Variants in YES1 observed in about 807,000 individuals in gnomAD.
The protein encoded by YES1 is tyrosine-protein kinase Yes.
A neutral mutation model predicts 70.4 loss-of-function variants in YES1; 39 were observed. The ratio of observed to expected loss-of-function variants is 0.55; its 90% CI spans 0.43 to 0.72. The LOEUF (loss-of-function observed/expected upper bound fraction) is 0.72. YES1 is among the 30% of genes least tolerant of loss of function. The pLI is 0.00. For missense variants in YES1, 495 were observed against 644.8 expected, an observed-to-expected ratio of 0.77 and a Z score of 2.52; for synonymous variants, 198 against 218.6, an observed-to-expected ratio of 0.91 and a Z score of 0.83.
chr18:808,696 A>G (rs1453793524), intron 1 of YES1, among the ~76,000 whole-genome samples: 1 of 152,212 alleles, frequency 6.6e-6, no homozygotes, highest in Non-Finnish European at 1.5e-5. Flanking sequence ...TTTGGCACAG[A>G]TGAGATCTCT....
At chr18:757,250 T>A (rs1235632911) in intron 1 of YES1, among the ~76,000 whole-genome samples, 2 of 152,162 alleles carry the variant, frequency 1.3e-5, no homozygotes, top group Admixed American at 1.3e-4. Flanking sequence ...ACGCCTGTAA[T>A]CCCAGCACTT....
intron 1 of YES1, among the ~76,000 whole-genome samples, chr18:766,603 A>T (rs898649440): frequency 6.6e-6 from 1 of 151,948 alleles, no homozygotes; most frequent in African/African-American, 2.4e-5. Context: ...AAAACATTCT[A>T]ATTTCTCATT....
chr18:792,345 A>G (rs1906294455), intron 1 of YES1, among the ~76,000 whole-genome samples: 1 of 151,972 alleles, frequency 6.6e-6, no homozygotes, highest in African/African-American at 2.4e-5. Context: ...CATATTTACC[A>G]TTTTGGATTT....
intron 1 of YES1, among the ~76,000 whole-genome samples, chr18:784,197 ATTG>A (rs1905822485): frequency 6.6e-6 from 1 of 152,210 alleles, no homozygotes; most frequent in African/African-American, 2.4e-5. Context: ...ATGAATAATT[ATTG>A]TTTTCATTAC....
At chr18:749,110 G>T (rs945842025) in intron 3 of YES1, among the ~76,000 whole-genome samples, 1 of 151,702 alleles carries the variant, frequency 6.6e-6, no homozygotes, top group Admixed American at 6.6e-5. Context: ...GCAGTGAGCC[G>T]AGATCATGCC....
intron 3 of YES1, 69 bp downstream of exon 3, chr18:751,636 C>T (rs1358487739): frequency 9.6e-7 from 1 of 1,046,252 alleles, no homozygotes; most frequent in Non-Finnish European, 1.5e-6. Context: ...CATCAACCAG[C>T]TCAGTGGTTC....
Position 743,310 on chromosome 18 carries a change from A to C in YES1, c.830T>G (p.Leu277Trp). 6.2e-7 allele frequency: 1 copy of C among 1,612,356 alleles called. No individual in the cohort carries two copies. Residue 277 changes from leucine to tryptophan, a missense_variant, in exon 7 of 12, where the codon TTG becomes TGG. By Grantham distance (61) the Leu-to-Trp change is moderately conservative. Transcript: ENST00000314574. Reference protein sequence around the residue: ...KDAWEIPRESLRLEVKLGQGC... With the variant: ...KDAWEIPRESWRLEVKLGQGC... ...TTGTCCTAGTTTAACCTCTAGTCGC[A>C]AAGATTCTCGAGGGATTTCCCAAGC...
intron 10 of YES1, among the ~76,000 whole-genome samples, chr18:734,831 T>C (rs1181144846): frequency 6.6e-6 from 1 of 152,090 alleles, no homozygotes; most frequent in African/African-American, 2.4e-5. Flanking sequence ...TACCATTCAA[T>C]CCAGCAAACC....
chr18:746,345 C>G (rs538882409), intron 4 of YES1, among the ~76,000 whole-genome samples: 1 of 152,084 alleles, frequency 6.6e-6, no homozygotes, highest in African/African-American at 2.4e-5. Flanking sequence ...AATAACAGAC[C>G]CTTTCTGTCA....
chr18:749,858 CAAAAAA>C (rs5822576), intron 3 of YES1, among the ~76,000 whole-genome samples: 1 of 116,542 alleles, frequency 8.6e-6, no homozygotes, highest in Non-Finnish European at 1.8e-5. Flanking sequence ...GACTCCGTCT[CAAAAAA>C]AAAAAAAAAA....
At chr18:797,993 G>A (rs1048594972) in intron 1 of YES1, 1 of 152,034 alleles carries the variant, frequency 6.6e-6, no homozygotes, top group African/African-American at 2.4e-5. Flanking sequence ...AAATGACAGG[G>A]GAAAGCACGA....
At chr18:794,200 C>T (rs1020285758) in intron 1 of YES1, among the ~76,000 whole-genome samples, 8 of 152,186 alleles carry the variant, frequency 5.3e-5, no homozygotes, top group South Asian at 2.1e-4. Flanking sequence ...ACTAACACAG[C>T]GTGCCTCCTG....
chr18:728,765 C>T (rs915775430), intron 11 of YES1, among the ~76,000 whole-genome samples: 11 of 152,296 alleles, frequency 7.2e-5, no homozygotes, highest in East Asian at 1.9e-4. Flanking sequence ...ACCTCGTGAT[C>T]CACTGGCCTC....
intron 1 of YES1, among the ~76,000 whole-genome samples, chr18:782,987 T>C (rs1905751044): frequency 6.6e-6 from 1 of 152,200 alleles, no homozygotes; most frequent in Non-Finnish European, 1.5e-5. Context: ...CGGCTAACTT[T>C]CTGAATTTCT....
intron 8 of YES1, among the ~76,000 whole-genome samples, chr18:742,459 TAAAAA>T (rs59582095): frequency 5.7e-4 from 82 of 143,278 alleles, no homozygotes; most frequent in African/African-American, 5.3e-4. Flanking sequence ...AGTCTCTATT[TAAAAA>T]AAAAAAAAAA....
At chr18:735,459 A>G (rs1247067598) in intron 10 of YES1, among the ~76,000 whole-genome samples, 4 of 151,470 alleles carry the variant, frequency 2.6e-5, no homozygotes, top group East Asian at 2.0e-4. Flanking sequence ...ACACAAAGGC[A>G]TAAGAGTAAT....
chr18:747,396 G>T (rs888402292), intron 4 of YES1, among the ~76,000 whole-genome samples: 10 of 152,324 alleles, frequency 6.6e-5, no homozygotes, highest in Admixed American at 5.9e-4. Flanking sequence ...TTGAGCCTGG[G>T]AGGTAGAGGT....
At chr18:760,353 C>T (rs1904524955) in intron 1 of YES1, among the ~76,000 whole-genome samples, 1 of 152,022 alleles carries the variant, frequency 6.6e-6, no homozygotes, top group African/African-American at 2.4e-5. Flanking sequence ...ACCTGTAGTC[C>T]CCGCTACTCG....
intron 1 of YES1, among the ~76,000 whole-genome samples, chr18:764,876 G>T (rs1415636072): frequency 6.6e-6 from 1 of 151,752 alleles, no homozygotes; most frequent in Non-Finnish European, 1.5e-5. Flanking sequence ...GGGATTACAG[G>T]TGCACACCAC....
Sources: gnomAD v4.1 joint callset for allele counts (sites outside exome capture counted in the v4.1 genomes callset) on GRCh38, gnomAD v4.1.1 for gene constraint, MANE v1.5 for transcripts, NCBI Gene and HGNC (gene_info 2026-07-23, HGNC 2026-07-21) for gene names.